TGFBR1: variants seen among roughly 807,000 people sequenced by gnomAD.
The protein encoded by TGFBR1 is TGF-beta receptor type-1.
TGFBR1 carries 20 observed loss-of-function variants against 55.1 expected under a neutral mutation model. The ratio of observed to expected loss-of-function variants is 0.36; its 90% CI spans 0.26 to 0.53. TGFBR1 has a LOEUF of 0.53. TGFBR1 is among the 20% of genes least tolerant of loss of function. The probability of loss-of-function intolerance (pLI) is 0.91; values close to 1 mark genes in which losing one functional copy is unlikely to be tolerated. For synonymous variants in TGFBR1, 220 were observed against 214.8 expected (o/e 1.02, Z -0.21); for missense variants, 385 against 617.6 (o/e 0.62, Z 3.99).
rs138860379 is a variant in TGFBR1, at chr9:99,150,625, A to G, written c.*1320A>G. 2.3e-5 allele frequency: 5 copies of G among 213,954 alleles called. No homozygotes were observed. Among genetic ancestry groups the G allele is most frequent in the Middle Eastern group, 1.5e-3 (1 of 672 alleles). The allele number at this position is 213,954 out of a possible 1,614,324, so 13.3% of individuals were successfully genotyped here. On this transcript the variant is annotated 3_prime_UTR_variant, in exon 9 of 9. Transcript: ENST00000374994. Reference sequence around the variant, plus strand: ...TAGTGTGGTTTTGAGGTCTCACTACACTTTGAGGAAGGCAGCTTTTAATTC... The same window carrying G: ...TAGTGTGGTTTTGAGGTCTCACTACGCTTTGAGGAAGGCAGCTTTTAATTC...
At chr9:99,120,718 C>T (rs1393375969) in intron 1 of TGFBR1, among the ~76,000 whole-genome samples, 1 of 152,132 alleles carries the variant, frequency 6.6e-6, no homozygotes, top group East Asian at 1.9e-4. Flanking sequence ...TAGATTTTTG[C>T]TCTCACCTAT....
chr9:99,152,875 C>CT lies in TGFBR1; in HGVS notation c.*3572dup, dbSNP rs1302575680. ...CATGGGCCCTCTCAAGAGTGCTGGA[C>CT]TTCTAGGACATTAAGATGATTGTCA... On this transcript the variant is annotated 3_prime_UTR_variant, in exon 9 of 9. Transcript: ENST00000374994. 8.6e-6 allele frequency: 2 copies of CT among 231,498 alleles called. No individual in the cohort carries two copies. 14.3% of individuals were successfully genotyped at this position (231,498 alleles called of 1,614,324 possible). A position where few individuals can be genotyped will look rare whatever the true frequency, so the allele number is the denominator to read the frequency against.
Position 99,152,811 on chromosome 9 carries a change from C to T in TGFBR1, c.*3506C>T, listed in dbSNP as rs1828014795. 2 of 231,268 alleles carry T rather than the reference C, an allele frequency of 8.6e-6. No individual in the cohort carries two copies. The highest frequency in any genetic ancestry group is 3.6e-4 in the South Asian group (2 of 5,512). 14.3% of individuals were successfully genotyped at this position (231,268 alleles called of 1,614,324 possible). ...ACTAAGGATTATCTTTGGACATGTACTGCAGCTTCTTGTCTCTGTTTTGGA... is the reference window on the plus strand; with the variant it reads ...ACTAAGGATTATCTTTGGACATGTATTGCAGCTTCTTGTCTCTGTTTTGGA... On this transcript the variant is annotated 3_prime_UTR_variant, in exon 9 of 9. Transcript: ENST00000374994.
rs201595773 is a variant in TGFBR1, at chr9:99,152,496, A to C, written c.*3191A>C. On this transcript the variant is annotated 3_prime_UTR_variant, in exon 9 of 9. Coordinates refer to ENST00000374994, the MANE Select transcript of TGFBR1 (RefSeq NM_004612.4). ...CCCAGATTTCAGGTTTTATTACAAA[A>C]TGTAAGTGGTCACTTGGCGATTTTG... 11 of 230,688 alleles carry C rather than the reference A, an allele frequency of 4.8e-5. No individual in the cohort carries two copies. Among genetic ancestry groups the C allele is most frequent in the Non-Finnish European group, 9.5e-5 (11 of 116,126 alleles). 14.3% of individuals were successfully genotyped at this position (230,688 alleles called of 1,614,324 possible).
In TGFBR1 at chr9:99,144,727, T is replaced by G; in HGVS notation, c.974-5T>G. 2 of 1,613,588 alleles carry G rather than the reference T, an allele frequency of 1.2e-6. No individual in the cohort carries two copies. Among genetic ancestry groups the G allele is most frequent in the Non-Finnish European group, 8.5e-7 (1 of 1,179,752 alleles). On this transcript the variant is annotated splice_polypyrimidine_tract_variant and splice_region_variant and intron_variant, in intron 5 of 8. Transcript: ENST00000374994. Reference sequence around the variant, plus strand: ...AGCAGTCATGTTTAATTTTTGATTCTTTAGGAAAGCCAGCCATTGCTCATA... The same window carrying G: ...AGCAGTCATGTTTAATTTTTGATTCGTTAGGAAAGCCAGCCATTGCTCATA...
upstream of TGFBR1, chr9:99,105,103 A>G: frequency 1.1e-6 from 1 of 896,728 alleles, no homozygotes; most frequent in Non-Finnish European, 1.4e-6. Flanking sequence ...GGCCGGAGCG[A>G]GGCCGCCGCG....
rs60083340 is a variant in TGFBR1 at position 99,140,455 on chromosome 9, C to CA, written c.806-2071dup. 1.4e-3 allele frequency among the ~76,000 whole-genome samples: 197 copies of CA among 143,774 alleles called. 2 individuals are homozygous for CA. Among genetic ancestry groups the CA allele is most frequent in the East Asian group, 9.2e-3 (45 of 4,910 alleles). 94.3% of individuals were successfully genotyped at this position (143,774 alleles called of 152,430 possible). ...TGGGCGACACAGGGAGACTCTGTCT[C>CA]AAAAAAAAAACAACAACAAAACAAA... is the stretch of plus-strand genomic sequence containing the variant. On this transcript the variant is annotated intron_variant, in intron 4 of 8. Coordinates refer to ENST00000374994, the MANE Select transcript of TGFBR1 (RefSeq NM_004612.4).
intron 3 of TGFBR1, among the ~76,000 whole-genome samples, chr9:99,136,013 C>A (rs143237057): frequency 6.6e-6 from 1 of 151,968 alleles, no homozygotes; most frequent in African/African-American, 2.4e-5. Flanking sequence ...CACCACCATG[C>A]CCAGCTAATT....
chr9:99,108,822 A>G, intron 1 of TGFBR1, among the ~76,000 whole-genome samples: 1 of 152,222 alleles, frequency 6.6e-6, no homozygotes, highest in Non-Finnish European at 1.5e-5. Flanking sequence ...GCTGGAAACA[A>G]AACATAAAAG....
At chr9:99,107,548 C>G (rs1020521608) in intron 1 of TGFBR1, among the ~76,000 whole-genome samples, 2 of 150,234 alleles carry the variant, frequency 1.3e-5, no homozygotes, top group Non-Finnish European at 3.0e-5. Flanking sequence ...TCTTGAATGT[C>G]TCCTCCTTTC....
chr9:99,104,926 G>A (rs1204469856), upstream of TGFBR1, among the ~76,000 whole-genome samples: 4 of 151,772 alleles, frequency 2.6e-5, no homozygotes, highest in Admixed American at 2.0e-4. Context: ...CCCGGGGAGC[G>A]TGGGGCGTGG....
chr9:99,127,005 A>G (rs1412674858), intron 1 of TGFBR1, among the ~76,000 whole-genome samples: 1 of 152,214 alleles, frequency 6.6e-6, no homozygotes, highest in Non-Finnish European at 1.5e-5. Context: ...CCTGAATTTG[A>G]GTTGAGCAAG....
intron 1 of TGFBR1, among the ~76,000 whole-genome samples, chr9:99,127,210 G>T (rs1454855339): frequency 6.6e-6 from 1 of 152,156 alleles, no homozygotes; most frequent in Non-Finnish European, 1.5e-5. Context: ...CATTCCAGTG[G>T]CATAGCATAG....
chr9:99,144,603 G>A (rs1046895968), intron 5 of TGFBR1, 129 bp from the exon 6 acceptor site: 6 of 972,018 alleles, frequency 6.2e-6, no homozygotes, highest in Admixed American at 5.4e-5. Flanking sequence ...AATGCCGTAA[G>A]TATTGTAGGT....
chr9:99,111,999 T>A (rs1385614302), intron 1 of TGFBR1, among the ~76,000 whole-genome samples: 1 of 152,166 alleles, frequency 6.6e-6, no homozygotes, highest in Admixed American at 6.5e-5. Flanking sequence ...AGGCACTTCT[T>A]GGCTGGAGAG....
chr9:99,138,159 C>T lies in TGFBR1; in HGVS notation c.805+70C>T. 8 of 1,349,616 alleles carry T rather than the reference C, an allele frequency of 5.9e-6. No homozygotes were observed. In the South Asian group the frequency reaches 9.5e-5, roughly 16 times the overall value. The allele number at this position is 1,349,616 out of a possible 1,614,324, so 83.6% of individuals were successfully genotyped here. A position where few individuals can be genotyped will look rare whatever the true frequency, so the allele number is the denominator to read the frequency against. ...CTTTAAGTCTTTACAGATATGGTGA[C>T]TAACCATCATCAAAGTAGATGAGAC... On this transcript the variant is annotated intron_variant, in intron 4 of 8. Transcript: ENST00000374994.
At chr9:99,125,693 A>C (rs749002594) in intron 1 of TGFBR1, among the ~76,000 whole-genome samples, 2 of 152,226 alleles carry the variant, frequency 1.3e-5, no homozygotes, top group Non-Finnish European at 2.9e-5. Context: ...ACAGCTGAAG[A>C]AGCAGCAGTG....
intron 1 of TGFBR1, 74 bp from the exon 2 acceptor site, chr9:99,128,781 T>G: frequency 6.4e-7 from 1 of 1,569,222 alleles, no homozygotes; most frequent in Non-Finnish European, 8.7e-7. Context: ...AAGAATGTAT[T>G]ATTAGAGTGA....
chr9:99,114,798 G>A (rs1826687188), intron 1 of TGFBR1, among the ~76,000 whole-genome samples: 1 of 152,184 alleles, frequency 6.6e-6, no homozygotes, highest in African/African-American at 2.4e-5. Flanking sequence ...CTTCATCAGA[G>A]TACTGCTACC....
Sources: allele counts gnomAD v4.1 joint callset (sites outside exome capture counted in the v4.1 genomes callset), GRCh38; gene constraint gnomAD v4.1.1; transcripts MANE v1.5; gene names NCBI Gene and HGNC (gene_info 2026-07-23, HGNC 2026-07-21).